The following PDE4C variants were observed in gnomAD, a reference collection of about 807,000 sequenced individuals.
The protein encoded by PDE4C is phosphodiesterase 4C.
PDE4C carries 50 observed loss-of-function variants against 63.9 expected under a neutral mutation model. The observed-to-expected ratio is 0.78, with a 90% CI of 0.62 to 0.99. PDE4C has a LOEUF of 0.99. PDE4C is among the 50% of genes least tolerant of loss of function. PDE4C has a pLI of 0.00. For missense variants in PDE4C, 777 were observed against 899.1 expected (o/e 0.86, Z 1.74); for synonymous variants, 377 against 385.1 (o/e 0.98, Z 0.25).
intron 13 of PDE4C, among the ~76,000 whole-genome samples, chr19:18,212,598 C>T (rs980954563): frequency 6.6e-6 from 1 of 151,576 alleles, no homozygotes; most frequent in African/African-American, 2.4e-5. Context: ...CCTTGGCCTC[C>T]CAAAGTGCTG....
At chr19:18,226,517 C>T (rs1185328554), upstream of PDE4C, 9 of 937,610 alleles carry the variant, frequency 9.6e-6, no homozygotes, top group Admixed American at 1.7e-4. Flanking sequence ...AAGGGCGCAT[C>T]GGCCCCGCCT....
rs11459367 is a variant in PDE4C at position 18,217,158 on chromosome 19, GT to G, written c.1235-264del. 7.8e-3 allele frequency: 2,037 copies of G among 260,584 alleles called. 2 individuals are homozygous for G. Among genetic ancestry groups the G allele is most frequent in the East Asian group, 0.016 (239 of 15,124 alleles). The allele number at this position is 260,584 out of a possible 1,614,324, so 16.1% of individuals were successfully genotyped here. On this transcript the variant is annotated intron_variant, in intron 11 of 14. Transcript: ENST00000262805. ...CCAGTGACAGTGAGTACTCAGTAAT[GT>G]TTTTTTTTTTTCTTTTTCTTTTTTA...
intron 1 of PDE4C, chr19:18,224,322 A>AG (rs1326521869): frequency 1.0e-6 from 1 of 985,462 alleles, no homozygotes; most frequent in Non-Finnish European, 1.2e-6. Flanking sequence ...CTCCCGGCCG[A>AG]GGGCCAGTGT....
chr19:18,225,438 A>G (rs1968684934), intron 1 of PDE4C: 3 of 152,356 alleles, frequency 2.0e-5, no homozygotes, highest in Non-Finnish European at 4.4e-5. Flanking sequence ...TGGAACCACC[A>G]GGAACCACGG....
At chr19:18,217,764 G>T (rs995397083) in intron 11 of PDE4C, among the ~76,000 whole-genome samples, 2 of 152,148 alleles carry the variant, frequency 1.3e-5, no homozygotes, top group East Asian at 1.9e-4. Flanking sequence ...AGGCATGGTA[G>T]TGTGTGCCTG....
At chr19:18,217,704 C>G (rs902439102) in intron 11 of PDE4C, among the ~76,000 whole-genome samples, 1 of 152,016 alleles carries the variant, frequency 6.6e-6, no homozygotes, top group Non-Finnish European at 1.5e-5. Context: ...TGAGACCAGC[C>G]TGGGTAACAG....
At chr19:18,219,180 C>G in intron 8 of PDE4C, 54 bp downstream of exon 8, 5 of 1,611,906 alleles carry the variant, frequency 3.1e-6, no homozygotes, top group Non-Finnish European at 4.2e-6. Flanking sequence ...GATAGGGCAT[C>G]CAGACAGAGC....
exon 1 of PDE4C, chr19:18,226,380 C>T (rs545078945): frequency 9.5e-6 from 14 of 1,474,732 alleles, no homozygotes; most frequent in South Asian, 4.0e-5. Flanking sequence ...GGGAGCCGGG[C>T]CCGGGGACCG....
At chr19:18,222,156 C>T (rs369793065) in exon 2 of PDE4C, 18 of 1,613,254 alleles carry the variant, frequency 1.1e-5, no homozygotes, top group African/African-American at 1.3e-5. Flanking sequence ...AGAGGAGTTC[C>T]GAGACATGGC....
At chr19:18,229,368 G>A (rs1968803188), upstream of PDE4C, among the ~76,000 whole-genome samples, 2 of 152,058 alleles carry the variant, frequency 1.3e-5, no homozygotes, top group African/African-American at 2.4e-5. Flanking sequence ...AACCTCCCAA[G>A]TAGCTGGGAT....
chr19:18,253,024 C>T (rs1172075089), upstream of PDE4C, among the ~76,000 whole-genome samples: 1 of 152,178 alleles, frequency 6.6e-6, no homozygotes, highest in East Asian at 1.9e-4. Context: ...CAAATTCATG[C>T]TCCTGGTCTG....
upstream of PDE4C, among the ~76,000 whole-genome samples, chr19:18,248,854 C>A (rs1969184928): frequency 1.0e-5 from 1 of 99,374 alleles, no homozygotes; most frequent in Admixed American, 1.0e-4. Flanking sequence ...GAAGCCCCAT[C>A]TCTACTAAAA....
At chr19:18,244,920 C>G (rs1461843128) in intron 1 of PDE4C, among the ~76,000 whole-genome samples, 3 of 152,066 alleles carry the variant, frequency 2.0e-5, no homozygotes, top group African/African-American at 7.2e-5. Context: ...ACTGCAACCT[C>G]TGCCTCCCAG....
intron 7 of PDE4C, chr19:18,219,685 A>C: frequency 3.1e-6 from 1 of 326,012 alleles, no homozygotes; most frequent in Non-Finnish European, 5.6e-6. Context: ...TTAGTCACGT[A>C]TGGTGGCAGG....
chr19:18,250,023 C>T (rs1969213345), upstream of PDE4C: 1 of 398,282 alleles, frequency 2.5e-6, no homozygotes, highest in South Asian at 1.3e-4. Context: ...CTCGTGTTTT[C>T]ACACGAGGCC....
At chr19:18,255,162 C>T in the PDE4C span, 6 of 397,890 alleles carry the variant, frequency 1.5e-5, no homozygotes, top group Non-Finnish European at 2.7e-5. This position sits in a 1 kb window ranked among gnomAD's most constrained non-coding sequence, Gnocchi z 4.6. Flanking sequence ...CTGGGCTGTG[C>T]GTCCCCCACC....
At chr19:18,223,262 G>A (rs1345322789) in intron 1 of PDE4C, among the ~76,000 whole-genome samples, 1 of 146,550 alleles carries the variant, frequency 6.8e-6, no homozygotes, top group East Asian at 2.0e-4. Context: ...CCAAGCTGGA[G>A]TGCAATGGCA....
chr19:18,228,209 G>A (rs1249637405), upstream of PDE4C, among the ~76,000 whole-genome samples: 1 of 151,948 alleles, frequency 6.6e-6, no homozygotes, highest in Non-Finnish European at 1.5e-5. Flanking sequence ...AGTGACAATA[G>A]TTACATGTCC....
At chr19:18,238,275 AACC>A (rs1356397753), upstream of PDE4C, among the ~76,000 whole-genome samples, 1 of 149,712 alleles carries the variant, frequency 6.7e-6, no homozygotes, top group Non-Finnish European at 1.5e-5. Flanking sequence ...TCGCTCTTTC[AACC>A]ACATCGGAGT....
Sources: gnomAD v4.1 joint callset for allele counts (sites outside exome capture counted in the v4.1 genomes callset) on GRCh38, gnomAD v4.1.1 for gene constraint, Gnocchi (gnomAD v3.1) non-coding constraint, MANE v1.5 for transcripts, NCBI Gene and HGNC (gene_info 2026-07-23, HGNC 2026-07-21) for gene names.